CBFB: variants seen among roughly 807,000 people sequenced by gnomAD.
The protein encoded by CBFB is CBF-beta.
A neutral mutation model predicts 30.4 loss-of-function variants in CBFB; 9 were observed. The ratio of observed to expected loss-of-function variants is 0.30; its 90% confidence interval spans 0.18 to 0.52. CBFB has a LOEUF of 0.52. CBFB is among the 20% of genes least tolerant of loss of function. The pLI is 0.97. For missense variants in CBFB, 170 were observed against 244.0 expected, an observed-to-expected ratio of 0.70 and a Z score of 2.02; for synonymous variants, 94 against 84.0, an observed-to-expected ratio of 1.12 and a Z score of -0.65.
chr16:67,060,062 C>A (rs1960855980), intron 3 of CBFB, among the ~76,000 whole-genome samples: 1 of 151,736 alleles, frequency 6.6e-6, no homozygotes, highest in Non-Finnish European at 1.5e-5. Context: ...GCAGCCTCGA[C>A]CTCCTGGGCT....
At chr16:67,088,255 C>T (rs1961783636) in intron 5 of CBFB, among the ~76,000 whole-genome samples, 1 of 152,024 alleles carries the variant, frequency 6.6e-6, no homozygotes, top group Non-Finnish European at 1.5e-5. Context: ...TTTTTTCCAT[C>T]CATAAAAAAT....
chr16:67,045,270 C>T (rs1966603485), intron 3 of CBFB, among the ~76,000 whole-genome samples: 2 of 152,162 alleles, frequency 1.3e-5, no homozygotes, highest in South Asian at 2.1e-4. Context: ...AATCCCAGCA[C>T]TTTGGGAGGC....
In CBFB at chr16:67,099,275, A is replaced by G. The variant is rs2097316095; in HGVS notation, c.*497A>G. 1 of 230,770 alleles carries G rather than the reference A, an allele frequency of 4.3e-6. No homozygotes were observed. The allele number at this position is 230,770 out of a possible 1,614,324, so 14.3% of individuals were successfully genotyped here. A position where few individuals can be genotyped will look rare whatever the true frequency, so the allele number is the denominator to read the frequency against. ...TTCCTTTTGTGTTTTTATAGTCTAT[A>G]GCATTTTAAAACTGCTGATGTTGTT... is the stretch of plus-strand genomic sequence containing the variant. On this transcript the variant is annotated 3_prime_UTR_variant, in exon 6 of 6. Coordinates refer to ENST00000412916, the MANE Select transcript of CBFB (RefSeq NM_022845.3).
At chr16:67,064,896 T>TC (rs1325200466) in intron 3 of CBFB, among the ~76,000 whole-genome samples, 1 of 152,162 alleles carries the variant, frequency 6.6e-6, no homozygotes, top group Non-Finnish European at 1.5e-5. Flanking sequence ...TTTCTTTTTT[T>TC]TCTCTCTCTT....
chr16:67,094,278 C>G (rs1202316263), intron 5 of CBFB, among the ~76,000 whole-genome samples: 2 of 152,022 alleles, frequency 1.3e-5, no homozygotes, highest in African/African-American at 2.4e-5. Context: ...TGTTCCTACT[C>G]TTGACTCTTC....
At chr16:67,047,687 A>G (rs908483123) in intron 3 of CBFB, among the ~76,000 whole-genome samples, 2 of 152,108 alleles carry the variant, frequency 1.3e-5, no homozygotes, top group Non-Finnish European at 2.9e-5. Context: ...AGAACCCTTT[A>G]AATTTTTTTT....
chr16:67,080,177 C>G (rs758030617), intron 4 of CBFB, among the ~76,000 whole-genome samples: 29 of 152,038 alleles, frequency 1.9e-4, no homozygotes, highest in Non-Finnish European at 3.4e-4. Flanking sequence ...AGTGAGGGAG[C>G]TTTTTTAAGT....
At chr16:67,036,021 T>G (rs1966435075) in intron 2 of CBFB, among the ~76,000 whole-genome samples, 1 of 152,114 alleles carries the variant, frequency 6.6e-6, no homozygotes, top group African/African-American at 2.4e-5. Flanking sequence ...GATGAATACT[T>G]TTCTCTTTGT....
At chr16:67,078,052 C>G (rs1316625029) in intron 4 of CBFB, among the ~76,000 whole-genome samples, 2 of 152,228 alleles carry the variant, frequency 1.3e-5, no homozygotes, top group African/African-American at 4.8e-5. Context: ...GTTGGTTGTT[C>G]CTAGCCATTT....
intron 3 of CBFB, among the ~76,000 whole-genome samples, chr16:67,037,882 G>A (rs973378707): frequency 6.6e-6 from 1 of 151,844 alleles, no homozygotes; most frequent in African/African-American, 2.4e-5. Flanking sequence ...TATTGGTCAG[G>A]CTGGTCTTGA....
chr16:67,040,036 G>A (rs1966504484), intron 3 of CBFB, among the ~76,000 whole-genome samples: 1 of 152,130 alleles, frequency 6.6e-6, no homozygotes, highest in African/African-American at 2.4e-5. Context: ...AACTCGTACT[G>A]TACTGTTCCG....
At chr16:67,079,061 G>A (rs1294406305) in intron 4 of CBFB, among the ~76,000 whole-genome samples, 1 of 152,132 alleles carries the variant, frequency 6.6e-6, no homozygotes, top group East Asian at 1.9e-4. Context: ...GCTACCTCTG[G>A]CTTATATTAT....
chr16:67,095,442 A>C (rs1962018374), intron 5 of CBFB, among the ~76,000 whole-genome samples: 1 of 152,060 alleles, frequency 6.6e-6, no homozygotes, highest in South Asian at 2.1e-4. Flanking sequence ...GCTTGAACCC[A>C]GGAGGCAGAG....
Position 67,029,373 on chromosome 16 carries a change from A to C in CBFB, c.-35A>C. The C allele has an allele frequency of 6.8e-6, 10 of 1,463,560 alleles. No homozygotes were observed. The highest frequency in any genetic ancestry group is 9.1e-6 in the Non-Finnish European group (10 of 1,101,202). The allele number at this position is 1,463,560 out of a possible 1,614,324, so 90.7% of individuals were successfully genotyped here. ...CCAGCGGGTGCCCGCGCAAGCCCCG[A>C]GCGCGGCCGGCCGGCGCGGCCTCAG... On this transcript the variant is annotated 5_prime_UTR_variant, in exon 1 of 6. Transcript: ENST00000412916.
chr16:67,073,912 G>A (rs1250944991), intron 4 of CBFB, among the ~76,000 whole-genome samples: 1 of 151,482 alleles, frequency 6.6e-6, no homozygotes, highest in South Asian at 2.1e-4. Context: ...GAGGGCACCT[G>A]TAGTTACTTG....
Position 67,082,108 on chromosome 16 carries a change from T to TG in CBFB, c.400-104dup, listed in dbSNP as rs765222316. ...TGCTGAGATTACAGGCGTGAGCCAC[T>TG]GCGCCCGGCCACTGTTTCAGGAAAA... On this transcript the variant is annotated intron_variant, in intron 4 of 5. Coordinates refer to ENST00000412916, the MANE Select transcript of CBFB (RefSeq NM_022845.3). The TG allele has an allele frequency of 1.2e-3, 1,046 of 906,726 alleles. 4 individuals carry two copies. The highest frequency in any genetic ancestry group is 1.3e-3 in the Non-Finnish European group (859 of 647,490). The allele number at this position is 906,726 out of a possible 1,614,324, so 56.2% of individuals were successfully genotyped here. A position where few individuals can be genotyped will look rare whatever the true frequency, so the allele number is the denominator to read the frequency against.
intron 3 of CBFB, among the ~76,000 whole-genome samples, chr16:67,041,263 T>C (rs1025949949): frequency 2.0e-5 from 3 of 152,158 alleles, no homozygotes; most frequent in African/African-American, 4.8e-5. Context: ...ATGAATGATA[T>C]TATCTACGTT....
At chr16:67,080,399 G>A (rs1018531523) in intron 4 of CBFB, among the ~76,000 whole-genome samples, 1 of 152,180 alleles carries the variant, frequency 6.6e-6, no homozygotes, top group Non-Finnish European at 1.5e-5. Flanking sequence ...AGGACATCAA[G>A]TGGGTAGGAC....
At chr16:67,043,863 G>A (rs997802444) in intron 3 of CBFB, among the ~76,000 whole-genome samples, 1 of 152,192 alleles carries the variant, frequency 6.6e-6, no homozygotes, top group African/African-American at 2.4e-5. Flanking sequence ...TAAGCTTCAC[G>A]TCAGGTAGTT....
Sources: gnomAD v4.1 joint callset for allele counts (sites outside exome capture counted in the v4.1 genomes callset) on GRCh38, gnomAD v4.1.1 for gene constraint, MANE v1.5 for transcripts, NCBI Gene and HGNC (gene_info 2026-07-23, HGNC 2026-07-21) for gene names.